Variants in IL7 observed in about 807,000 individuals in gnomAD.
IL7 encodes the protein interleukin-7.
A neutral mutation model predicts 21.6 loss-of-function variants in IL7; 3 were observed. That is an observed-to-expected ratio of 0.14 (90% CI 0.06 to 0.36). IL7 has a LOEUF of 0.36. Among genes scored for constraint, IL7 ranks in the 10% least tolerant of loss-of-function variants. IL7 has a pLI of 1.00. For synonymous variants in IL7, 62 were observed against 68.1 expected (o/e 0.91, Z 0.44); for missense variants, 175 against 200.2 (o/e 0.87, Z 0.76).
chr8:78,684,300 A>G (rs1366253350), intron 4 of IL7, among the ~76,000 whole-genome samples: 1 of 152,226 alleles, frequency 6.6e-6, no homozygotes, highest in Non-Finnish European at 1.5e-5. Flanking sequence ...AGGCCTCACA[A>G]TCATGGTGGA....
chr8:78,678,164 T>C (rs1809643876), intron 4 of IL7, among the ~76,000 whole-genome samples: 2 of 152,182 alleles, frequency 1.3e-5, no homozygotes, highest in African/African-American at 4.8e-5. Context: ...TCCTATCTTA[T>C]TCTGTGACTT....
intron 2 of IL7, among the ~76,000 whole-genome samples, chr8:78,753,751 C>T (rs572371357): frequency 6.6e-6 from 1 of 152,040 alleles, no homozygotes; most frequent in South Asian, 2.1e-4. Flanking sequence ...AATTTTTGTT[C>T]TAAGGCATAA....
At chr8:78,694,131 C>T (rs1810317371) in intron 3 of IL7, among the ~76,000 whole-genome samples, 2 of 151,904 alleles carry the variant, frequency 1.3e-5, no homozygotes, top group African/African-American at 4.8e-5. Context: ...AGTTGGCTGG[C>T]TATTTTTCTA....
intron 2 of IL7, among the ~76,000 whole-genome samples, chr8:78,782,415 C>T (rs964096070): frequency 2.0e-5 from 3 of 152,030 alleles, no homozygotes; most frequent in African/African-American, 7.2e-5. Context: ...TTTGTTGATG[C>T]TGTTGTTGTT....
rs1250351364 is a variant in IL7, at chr8:78,697,444, G to T, written n.215-11497C>A. ...GCACTTAAAAAGTCAAATTCTCCTG[G>T]AACTGCATCATCAGGATCTTCACGA... is the stretch of plus-strand genomic sequence containing the variant. On this transcript the variant is annotated intron_variant and non_coding_transcript_variant, in intron 3 of 4. Transcript: ENST00000523959. The T allele has an allele frequency of 1.9e-6, 3 of 1,608,992 alleles. No individual in the cohort carries two copies. The highest frequency in any genetic ancestry group is 2.5e-6 in the Non-Finnish European group (3 of 1,178,718).
intron 4 of IL7, among the ~76,000 whole-genome samples, chr8:78,680,578 A>G (rs1332589964): frequency 1.3e-5 from 2 of 152,204 alleles, no homozygotes; most frequent in African/African-American, 4.8e-5. Context: ...TATCAAGAAA[A>G]TCCTACAAAA....
At chr8:78,716,419 G>A (rs961626438), downstream of IL7, among the ~76,000 whole-genome samples, 15 of 152,018 alleles carry the variant, frequency 9.9e-5, no homozygotes, top group African/African-American at 3.1e-4. Flanking sequence ...CACCGCACCC[G>A]GCCTAGTATG....
intron 2 of IL7, among the ~76,000 whole-genome samples, chr8:78,796,993 C>A (rs1239162392): frequency 6.6e-6 from 1 of 151,940 alleles, no homozygotes; most frequent in African/African-American, 2.4e-5. Flanking sequence ...ATATTGGAAG[C>A]AACTGTGACA....
chr8:78,680,635 A>T (rs567097873), intron 4 of IL7, among the ~76,000 whole-genome samples: 2 of 152,314 alleles, frequency 1.3e-5, no homozygotes, highest in Admixed American at 1.3e-4. Context: ...ATTTTTGGAA[A>T]AACAAAAGGT....
At chr8:78,747,820 C>A (rs1460822752) in intron 2 of IL7, among the ~76,000 whole-genome samples, 1 of 152,190 alleles carries the variant, frequency 6.6e-6, no homozygotes, top group African/African-American at 2.4e-5. Flanking sequence ...TAACAGCAAT[C>A]AATTCCCAAC....
chr8:78,786,283 A>T (rs889315798), intron 2 of IL7, among the ~76,000 whole-genome samples: 1 of 152,222 alleles, frequency 6.6e-6, no homozygotes, highest in African/African-American at 2.4e-5. Flanking sequence ...CACTAAATAG[A>T]TAATAATAAC....
chr8:78,777,821 A>C (rs1813182345), intron 2 of IL7, among the ~76,000 whole-genome samples: 1 of 152,044 alleles, frequency 6.6e-6, no homozygotes. Flanking sequence ...GGCGCATATG[A>C]ATTATCTTTC....
chr8:78,797,415 A>C (rs1255042336), intron 2 of IL7, among the ~76,000 whole-genome samples: 1 of 152,056 alleles, frequency 6.6e-6, no homozygotes, highest in East Asian at 1.9e-4. Flanking sequence ...TAATGTATCA[A>C]TGCTGGCTCA....
Position 78,706,696 on chromosome 8 carries a change from C to A in IL7, n.214+14652G>T, listed in dbSNP as rs188381084. On this transcript the variant is annotated intron_variant and non_coding_transcript_variant, in intron 3 of 4. Coordinates refer to the IL7 transcript ENST00000523959. ...TTCAGATGAAGGTGCTGTATTTACTCACCCCTTTTCCTGTTATTTTCAAGT... is the reference window on the plus strand; with the variant it reads ...TTCAGATGAAGGTGCTGTATTTACTAACCCCTTTTCCTGTTATTTTCAAGT... Among the ~76,000 whole-genome samples the A allele has an allele frequency of 2.7e-3, 405 of 152,250 alleles. 3 individuals carry two copies. The highest frequency in any genetic ancestry group is 9.1e-3 in the African/African-American group (378 of 41,544).
chr8:78,797,992 T>G, intron 2 of IL7, 80 bp downstream of exon 2: 1 of 1,099,516 alleles, frequency 9.1e-7, no homozygotes, highest in Admixed American at 2.1e-5. Flanking sequence ...AGATGAATAC[T>G]TGATTATAAA....
chr8:78,691,866 T>C (rs945025552), intron 3 of IL7, among the ~76,000 whole-genome samples: 3 of 152,146 alleles, frequency 2.0e-5, no homozygotes, highest in Non-Finnish European at 4.4e-5. Flanking sequence ...TGATGTGTAT[T>C]GTTATACTTA....
chr8:78,751,179 T>C (rs558301603), intron 2 of IL7, among the ~76,000 whole-genome samples: 105 of 148,724 alleles, frequency 7.1e-4, no homozygotes, highest in African/African-American at 2.4e-3. Flanking sequence ...AATGGGAATA[T>C]AAAAAAGGAG....
At chr8:78,717,368 A>T (rs752417374), downstream of IL7, 2 of 1,613,610 alleles carry the variant, frequency 1.2e-6, no homozygotes, top group Non-Finnish European at 1.7e-6. Context: ...TGGTGGAAAT[A>T]TTAAAGGCAT....
chr8:78,716,208 T>C (rs1190091186), downstream of IL7, among the ~76,000 whole-genome samples: 2 of 151,476 alleles, frequency 1.3e-5, no homozygotes, highest in East Asian at 4.0e-4. Context: ...CTGCAAGCTG[T>C]GCCTCCCAGG....
Sources: gnomAD v4.1 joint callset for allele counts (sites outside exome capture counted in the v4.1 genomes callset) on GRCh38, gnomAD v4.1.1 for gene constraint, MANE v1.5 for transcripts, NCBI Gene and HGNC (gene_info 2026-07-23, HGNC 2026-07-21) for gene names.